SPIRE1: variants seen among roughly 807,000 people sequenced by gnomAD.
The protein encoded by SPIRE1 is protein spire homolog 1.
In SPIRE1, 40 loss-of-function variants were observed where a neutral mutation model predicts 94.1. The ratio of observed to expected loss-of-function variants is 0.43; its 90% confidence interval spans 0.33 to 0.55. SPIRE1 has a LOEUF of 0.55. SPIRE1 is among the 20% of genes least tolerant of loss of function. The pLI is 0.06. For synonymous variants in SPIRE1, 376 were observed against 371.7 expected (o/e 1.01, Z -0.13); for missense variants, 838 against 975.2 (o/e 0.86, Z 1.87).
At chr18:12,614,309 G>A (rs867564534) in intron 2 of SPIRE1, among the ~76,000 whole-genome samples, 1 of 151,944 alleles carries the variant, frequency 6.6e-6, no homozygotes, top group African/African-American at 2.4e-5. Context: ...TATAATGAAA[G>A]TTGATTTGAC....
Position 12,559,189 on chromosome 18 carries a change from G to GGGGT in SPIRE1, c.373-12286_373-12285insACCC, listed in dbSNP as rs1220545638. Among the ~76,000 whole-genome samples, 1 of 147,538 alleles carries GGGGT rather than the reference G, an allele frequency of 6.8e-6. No individual in the cohort carries two copies. The highest frequency in any genetic ancestry group is 2.6e-5 in the African/African-American group (1 of 38,412). ...AGGAGCCCACGGGGTGGGGTGGGGT[G>GGGGT]GGGGGGCGCCGGCATGGCAGGCTGC... is the stretch of plus-strand genomic sequence containing the variant. On this transcript the variant is annotated intron_variant, in intron 2 of 16. Coordinates refer to ENST00000409402, the MANE Select transcript of SPIRE1 (RefSeq NM_001128626.2). This position sits in a 1 kb window ranked among gnomAD's most constrained non-coding sequence, Gnocchi z 4.7.
intron 10 of SPIRE1, among the ~76,000 whole-genome samples, chr18:12,472,213 G>A (rs946104542): frequency 1.3e-5 from 2 of 152,048 alleles, no homozygotes; most frequent in East Asian, 1.9e-4. Flanking sequence ...AGCACTTTGC[G>A]AGGCCGAGGC....
intron 2 of SPIRE1, among the ~76,000 whole-genome samples, chr18:12,586,024 C>A (rs1422820438): frequency 6.6e-6 from 1 of 152,212 alleles, no homozygotes; most frequent in East Asian, 1.9e-4. Flanking sequence ...AATCATAGCT[C>A]ACTTTAACCT....
At chr18:12,615,513 T>C (rs10853227) in intron 2 of SPIRE1, among the ~76,000 whole-genome samples, 116,469 of 134,192 alleles carry the variant, frequency 0.87, 51,224 homozygotes, top group Non-Finnish European at 0.95. Flanking sequence ...GAACTCCACC[T>C]TGGGCGACAG....
chr18:12,484,161 A>G (rs1241507701), intron 9 of SPIRE1, among the ~76,000 whole-genome samples: 2 of 152,198 alleles, frequency 1.3e-5, no homozygotes, highest in Admixed American at 1.3e-4. Context: ...AGATTAGCCA[A>G]TGGTCAATGT....
At chr18:12,660,514 G>T (rs886858183), upstream of SPIRE1, among the ~76,000 whole-genome samples, 1 of 151,980 alleles carries the variant, frequency 6.6e-6, no homozygotes, top group African/African-American at 2.4e-5. Context: ...TAAAGACAGG[G>T]TTTTACCATG....
intron 1 of SPIRE1, among the ~76,000 whole-genome samples, chr18:12,636,777 A>G (rs539764644): frequency 6.6e-6 from 1 of 152,366 alleles, no homozygotes; most frequent in South Asian, 2.1e-4. Context: ...TTATTGTTAC[A>G]TAAAACTCTA....
chr18:12,509,157 G>A (rs886732700), intron 5 of SPIRE1, among the ~76,000 whole-genome samples: 2 of 152,198 alleles, frequency 1.3e-5, no homozygotes, highest in Admixed American at 1.3e-4. Context: ...ACTAGAATCT[G>A]CTAGTAAAGA....
intron 5 of SPIRE1, among the ~76,000 whole-genome samples, chr18:12,510,621 C>G (rs1213922176): frequency 6.6e-6 from 1 of 152,018 alleles, no homozygotes; most frequent in Non-Finnish European, 1.5e-5. Context: ...CGGCTCACCC[C>G]AACCTCCACC....
chr18:12,454,450 G>A lies in SPIRE1; in HGVS notation c.1672C>T (p.Leu558Phe). Residue 558 changes from leucine to phenylalanine, a missense_variant, in exon 13 of 17, where the codon CTT (leucine) becomes TTT (phenylalanine). By Grantham distance (22) the Leu-to-Phe change is conservative. This residue lies in a region of SPIRE1 where 645 missense variants were observed against 804.7 expected (regional missense o/e 0.80). Transcript: ENST00000409402. ...EFCYPVECLALTVEEVMHIRQ... is the reference protein window; with the variant it reads ...EFCYPVECLAFTVEEVMHIRQ... ...ATATGCATCACTTCTTCCACAGTAA[G>A]AGCGAGGCATTCCACTGGGTAGCAG... The A allele has an allele frequency of 1.2e-6, 2 of 1,614,022 alleles. No homozygotes were observed. The highest frequency in any genetic ancestry group is 1.3e-5 in the African/African-American group (1 of 74,970).
intron 2 of SPIRE1, among the ~76,000 whole-genome samples, chr18:12,585,649 T>C (rs1258409039): frequency 6.6e-6 from 1 of 152,186 alleles, no homozygotes; most frequent in Non-Finnish European, 1.5e-5. Flanking sequence ...AAAATGTTAG[T>C]ATGCTATTAA....
chr18:12,537,401 G>GT (rs1451787541), intron 3 of SPIRE1, among the ~76,000 whole-genome samples: 1 of 152,128 alleles, frequency 6.6e-6, no homozygotes, highest in Non-Finnish European at 1.5e-5. Context: ...GCTATCCACA[G>GT]TAAGAAATAA....
intron 2 of SPIRE1, among the ~76,000 whole-genome samples, chr18:12,555,319 AT>A (rs1370116713): frequency 3.5e-5 from 5 of 144,184 alleles, no homozygotes; most frequent in Non-Finnish European, 4.5e-5. Context: ...AAAAAAAAAA[AT>A]TTTTTTTTGG....
rs1431745514 is a variant in SPIRE1 at position 12,506,593 on chromosome 18, G to T, written c.856C>A (p.Leu286Ile). ...VMRDLRNGVK[L>I]KKVQERQYNP... ...TACTGCCGCTCTTGGACCTTCTTAA[G>T]TTTTACCCCATTCCTCAAATCCCTC... Residue 286 changes from leucine to isoleucine, a missense_variant, in exon 6 of 17, where the codon CTT (leucine) becomes ATT (isoleucine). Transcript: ENST00000409402. The T allele has an allele frequency of 5.6e-6, 9 of 1,614,086 alleles. No individual in the cohort carries two copies. Among genetic ancestry groups the T allele is most frequent in the Non-Finnish European group, 7.6e-6 (9 of 1,180,016 alleles).
At chr18:12,636,052 C>G (rs2037916445) in intron 1 of SPIRE1, among the ~76,000 whole-genome samples, 1 of 151,968 alleles carries the variant, frequency 6.6e-6, no homozygotes, top group South Asian at 2.1e-4. Flanking sequence ...ACCACCATGC[C>G]CAGCTAATTT....
In SPIRE1 at chr18:12,454,456, G is replaced by C; in HGVS notation, c.1666C>G (p.Leu556Val). The change falls in exon 13 of 17, where the codon CTC (leucine) becomes GTC (valine). Residue 556 changes from leucine to valine, a missense_variant. Around this residue, in one of 2 missense-constraint regions of SPIRE1, gnomAD observed 645 missense variants for 804.7 expected, o/e 0.80. Transcript: ENST00000409402. ...LEEFCYPVEC[L>V]ALTVEEVMHI... ...ATCACTTCTTCCACAGTAAGAGCGA[G>C]GCATTCCACTGGGTAGCAGAATTCC... is the stretch of plus-strand genomic sequence containing the variant. The C allele has an allele frequency of 6.2e-7, 1 of 1,613,824 alleles. No individual in the cohort carries two copies. The highest frequency in any genetic ancestry group is 2.2e-5 in the East Asian group (1 of 44,884).
intron 10 of SPIRE1, among the ~76,000 whole-genome samples, chr18:12,472,190 T>C (rs1054571487): frequency 1.3e-5 from 2 of 152,130 alleles, no homozygotes; most frequent in Non-Finnish European, 2.9e-5. Flanking sequence ...TGGTGGCTCA[T>C]GCCTGTAATC....
intron 3 of SPIRE1, among the ~76,000 whole-genome samples, chr18:12,535,959 TAAC>T (rs978714864): frequency 1.3e-5 from 2 of 151,870 alleles, no homozygotes; most frequent in African/African-American, 4.8e-5. Context: ...CATCTAAAAA[TAAC>T]AATAAAAACC....
intron 1 of SPIRE1, among the ~76,000 whole-genome samples, chr18:12,657,185 G>A (rs1023693539): frequency 7.9e-5 from 12 of 151,026 alleles, no homozygotes; most frequent in African/African-American, 2.9e-4. Flanking sequence ...CCGCTGGCCC[G>A]GAGCAGGGCC....
Sources: allele counts gnomAD v4.1 joint callset (sites outside exome capture counted in the v4.1 genomes callset), GRCh38; gene constraint gnomAD v4.1.1; regional missense constraint gnomAD v4.1.1; non-coding constraint Gnocchi (gnomAD v3.1); transcripts MANE v1.5; gene names NCBI Gene and HGNC (gene_info 2026-07-23, HGNC 2026-07-21).